The following TTLL9 variants were observed in gnomAD, a reference collection of about 807,000 sequenced individuals.
TTLL9 encodes tubulin tyrosine ligase like 9, also known as probable tubulin polyglutamylase TTLL9.
TTLL9 carries 47 observed loss-of-function variants against 65.6 expected under a neutral mutation model. The ratio of observed to expected loss-of-function variants is 0.72; its 90% confidence interval spans 0.57 to 0.91. TTLL9 has a LOEUF of 0.91. TTLL9 is among the 40% of genes least tolerant of loss of function. TTLL9 has a pLI of 0.00. For missense variants in TTLL9, 537 were observed against 568.8 expected (o/e 0.94, Z 0.57); for synonymous variants, 179 against 204.8 (o/e 0.87, Z 1.07).
chr20:31,887,527 C>T (rs998813730), intron 3 of TTLL9, among the ~76,000 whole-genome samples: 1 of 152,188 alleles, frequency 6.6e-6, no homozygotes, highest in Admixed American at 6.6e-5. Context: ...AAGTGACTTG[C>T]TCAAGATCAC....
At chr20:31,871,232 G>T (rs529927370) in intron 2 of TTLL9, 37 bp downstream of exon 2, 1 of 1,599,206 alleles carries the variant, frequency 6.3e-7, no homozygotes, top group Non-Finnish European at 8.6e-7. Context: ...GAGGGTTCCA[G>T]TCTGAAGGAG....
At chr20:31,899,976 G>T (rs2063451299) in intron 4 of TTLL9, among the ~76,000 whole-genome samples, 1 of 152,130 alleles carries the variant, frequency 6.6e-6, no homozygotes, top group African/African-American at 2.4e-5. Context: ...TAGCCAGGAT[G>T]GTCTTGATCT....
At position 31,943,538 on chromosome 20, in the gene TTLL9, TTG is replaced by T. The variant is rs763083099; in HGVS notation, c.*523_*524del. On this transcript the variant is annotated 3_prime_UTR_variant, in exon 15 of 15. Coordinates refer to ENST00000535842, the MANE Select transcript of TTLL9 (RefSeq NM_001008409.5). ...GCTTACACAGCAAGCAGTTATTAGA[TTG>T]TGTGTTTATTGGGGGCCTGGGGAAG... The T allele has an allele frequency of 2.3e-4, 78 of 344,026 alleles. No homozygotes were observed. Among genetic ancestry groups the T allele is most frequent in the Non-Finnish European group, 3.9e-4 (67 of 173,560 alleles). 21.3% of individuals were successfully genotyped at this position (344,026 alleles called of 1,614,324 possible). A position where few individuals can be genotyped will look rare whatever the true frequency, so the allele number is the denominator to read the frequency against.
At chr20:31,874,159 T>C (rs1378012346) in intron 2 of TTLL9, among the ~76,000 whole-genome samples, 1 of 152,256 alleles carries the variant, frequency 6.6e-6, no homozygotes, top group African/African-American at 2.4e-5. Context: ...TATTAGTTAT[T>C]ACAAAGCCCA....
At chr20:31,887,996 T>C (rs1397154899) in intron 3 of TTLL9, among the ~76,000 whole-genome samples, 1 of 152,020 alleles carries the variant, frequency 6.6e-6, no homozygotes, top group East Asian at 1.9e-4. Flanking sequence ...GTGATTCTCC[T>C]GCCTCAGCCT....
At chr20:31,896,334 CT>C (rs768544828) in intron 3 of TTLL9, among the ~76,000 whole-genome samples, 48 of 152,202 alleles carry the variant, frequency 3.2e-4, no homozygotes, top group Non-Finnish European at 5.1e-4. Context: ...AATCTGACAA[CT>C]TTCACACACC....
chr20:31,882,452 G>T (rs1331828144), intron 2 of TTLL9, among the ~76,000 whole-genome samples: 4 of 152,182 alleles, frequency 2.6e-5, no homozygotes, highest in Non-Finnish European at 5.9e-5. Context: ...AGACAGGAAT[G>T]AAGGCAGGTG....
At chr20:31,919,968 T>C in intron 7 of TTLL9, 36 bp downstream of exon 7, 2 of 1,507,476 alleles carry the variant, frequency 1.3e-6, no homozygotes, top group Non-Finnish European at 8.9e-7. Flanking sequence ...CCCTGAACCC[T>C]CCTCTGACCT....
At chr20:31,910,319 A>G (rs1182438534) in intron 6 of TTLL9, among the ~76,000 whole-genome samples, 4 of 152,224 alleles carry the variant, frequency 2.6e-5, no homozygotes, top group Non-Finnish European at 4.4e-5. Flanking sequence ...CTGAGCATGT[A>G]CCATGTGCCA....
chr20:31,932,970 T>C (rs978033636), intron 10 of TTLL9, among the ~76,000 whole-genome samples: 2 of 152,182 alleles, frequency 1.3e-5, no homozygotes, highest in African/African-American at 4.8e-5. Flanking sequence ...CACTCCAGTC[T>C]GGGCAAAAGA....
chr20:31,896,285 C>T (rs934790258), intron 3 of TTLL9, among the ~76,000 whole-genome samples: 4 of 152,072 alleles, frequency 2.6e-5, no homozygotes, highest in African/African-American at 9.7e-5. Context: ...GCCCCCTGGC[C>T]CTATTTTGCC....
chr20:31,943,121 A>G lies in TTLL9; in HGVS notation c.*100A>G. 1 of 1,128,280 alleles carries G rather than the reference A, an allele frequency of 8.9e-7. No homozygotes were observed. The highest frequency in any genetic ancestry group is 2.4e-5 in the East Asian group (1 of 42,074). The allele number at this position is 1,128,280 out of a possible 1,614,324, so 69.9% of individuals were successfully genotyped here. On this transcript the variant is annotated 3_prime_UTR_variant, in exon 15 of 15. Coordinates refer to ENST00000535842, the MANE Select transcript of TTLL9 (RefSeq NM_001008409.5). The stretch of plus-strand genomic sequence containing the variant: ...AGCACCTCACAGCATTCGCCTCCCC[A>G]CCTCCAGCCTGGCACCAGCTTTGCT...
At chr20:31,890,614 A>T (rs868717272) in intron 3 of TTLL9, among the ~76,000 whole-genome samples, 14 of 152,206 alleles carry the variant, frequency 9.2e-5, no homozygotes, top group African/African-American at 3.4e-4. Flanking sequence ...TGGGGAAATA[A>T]GACAGCTAAG....
chr20:31,928,895 T>C (rs1253413983), intron 10 of TTLL9, among the ~76,000 whole-genome samples: 1 of 152,212 alleles, frequency 6.6e-6, no homozygotes, highest in Non-Finnish European at 1.5e-5. Flanking sequence ...ATTGATTGAT[T>C]GACAGTTTCC....
chr20:31,932,041 T>C (rs542178695), intron 10 of TTLL9, among the ~76,000 whole-genome samples: 2 of 152,348 alleles, frequency 1.3e-5, no homozygotes, highest in African/African-American at 4.8e-5. Flanking sequence ...TGTGGTCCAT[T>C]CAAAATTAAT....
At chr20:31,890,508 C>T (rs188755613) in intron 3 of TTLL9, among the ~76,000 whole-genome samples, 162 of 152,202 alleles carry the variant, frequency 1.1e-3, no homozygotes, top group African/African-American at 3.5e-3. Flanking sequence ...AAGGCACTTA[C>T]GAAGTATTGG....
At chr20:31,880,852 CTTTTTT>C (rs35047352) in intron 2 of TTLL9, among the ~76,000 whole-genome samples, 1 of 108,258 alleles carries the variant, frequency 9.2e-6, no homozygotes. Flanking sequence ...TCTTTCTTTC[CTTTTTT>C]TTTTTTTTTT....
chr20:31,896,224 C>T (rs1237094807), intron 3 of TTLL9, among the ~76,000 whole-genome samples: 3 of 151,664 alleles, frequency 2.0e-5, no homozygotes, highest in African/African-American at 4.8e-5. Context: ...ATGATCTGCC[C>T]GCCTCAGCCT....
chr20:31,879,789 GATCCAGGCGCCTGTCTGTCGCC>G, intron 2 of TTLL9: 1 of 1,543,870 alleles, frequency 6.5e-7, no homozygotes, highest in Non-Finnish European at 8.7e-7. Flanking sequence ...CAGAGCGGCG[GATCCAGGCGCCTGTCTGTCGCC>G]TTGGCAACGG....
Sources: gnomAD v4.1 joint callset for allele counts (sites outside exome capture counted in the v4.1 genomes callset) on GRCh38, gnomAD v4.1.1 for gene constraint, MANE v1.5 for transcripts, NCBI Gene and HGNC (gene_info 2026-07-23, HGNC 2026-07-21) for gene names.